Variants in IQSEC1 observed in about 807,000 individuals in gnomAD.
IQSEC1 encodes the protein IQ motif and Sec7 domain ArfGEF 1.
Under a neutral mutation model 91.0 loss-of-function variants are expected in IQSEC1, and 31 were observed. The ratio of observed to expected loss-of-function variants is 0.34; its 90% CI spans 0.26 to 0.46. The LOEUF is 0.46. Ranked by LOEUF, IQSEC1 falls within the 20% of genes least tolerant of loss-of-function variation. The pLI is 1.00. For missense variants in IQSEC1, 1,388 were observed against 1,575.6 expected, an observed-to-expected ratio of 0.88 and a Z score of 2.02; for synonymous variants, 699 against 662.6, an observed-to-expected ratio of 1.05 and a Z score of -0.84.
chr3:13,170,764 C>T (rs942868409), intron 1 of IQSEC1, among the ~76,000 whole-genome samples: 1 of 152,166 alleles, frequency 6.6e-6, no homozygotes, highest in Non-Finnish European at 1.5e-5. Context: ...GTGCCAGAGT[C>T]AAACAGTATT....
intron 1 of IQSEC1, among the ~76,000 whole-genome samples, chr3:13,055,972 C>G (rs748682586): frequency 6.6e-6 from 1 of 152,152 alleles, no homozygotes; most frequent in Non-Finnish European, 1.5e-5. Context: ...GATGTCCCCC[C>G]CACCACCATT....
At chr3:13,190,571 A>G (rs1234368656) in intron 1 of IQSEC1, among the ~76,000 whole-genome samples, 5 of 151,656 alleles carry the variant, frequency 3.3e-5, no homozygotes, top group Non-Finnish European at 7.4e-5. Flanking sequence ...AAAAAAACAG[A>G]TAAAGTGTGG....
At chr3:13,063,490 G>A (rs571837855) in intron 1 of IQSEC1, among the ~76,000 whole-genome samples, 5 of 152,248 alleles carry the variant, frequency 3.3e-5, no homozygotes, top group Non-Finnish European at 5.9e-5. Context: ...GCACAGGGCA[G>A]AGGAGGGCAG....
At chr3:13,120,557 C>G (rs73147121) in intron 2 of IQSEC1, among the ~76,000 whole-genome samples, 4 of 152,238 alleles carry the variant, frequency 2.6e-5, no homozygotes, top group Admixed American at 2.0e-4. Context: ...TCCTCTTCCC[C>G]GAGGAGGAGC....
At chr3:13,250,371 G>T (rs12495529) in intron 1 of IQSEC1, among the ~76,000 whole-genome samples, 5,192 of 151,952 alleles carry the variant, frequency 0.034, 121 homozygotes, top group South Asian at 0.092. Flanking sequence ...GCAGTGCCAC[G>T]GTGATGTCTA....
chr3:13,111,690 T>A (rs1362484135), intron 2 of IQSEC1, among the ~76,000 whole-genome samples: 2 of 152,050 alleles, frequency 1.3e-5, no homozygotes, highest in African/African-American at 4.8e-5. Context: ...GTCCCCATGA[T>A]GATATCAGTG....
Position 12,936,210 on chromosome 3 carries a change from G to A in IQSEC1, c.806C>T (p.Thr269Ile), listed in dbSNP as rs143647610. 1,943 of 1,613,076 alleles carry A rather than the reference G, an allele frequency of 1.2e-3. 22 individuals carry two copies. In the African/African-American group the frequency reaches 0.024, roughly 20 times the overall value. The change falls in exon 3 of 14, where the codon ACA becomes ATA. Residue 269 changes from threonine (T) to isoleucine (I), a missense_variant. Transcript: ENST00000613206. Reference protein sequence around the residue: ...AARARDTEPQTALHGMDHRKL... With the variant: ...AARARDTEPQIALHGMDHRKL... ...GCGGTGGTCCATGCCGTGCAGGGCT[G>A]TCTGGGGTTCGGTGTCCCGGGCCCG... is the stretch of plus-strand genomic sequence containing the variant.
intron 1 of IQSEC1, among the ~76,000 whole-genome samples, chr3:13,246,431 G>A (rs1298428933): frequency 1.3e-5 from 2 of 152,240 alleles, no homozygotes. Flanking sequence ...GAGATGGACG[G>A]TGGGGACGGT....
chr3:12,952,680 C>T (rs1188733276), intron 1 of IQSEC1, among the ~76,000 whole-genome samples: 1 of 152,232 alleles, frequency 6.6e-6, no homozygotes, highest in Non-Finnish European at 1.5e-5. Context: ...GCCCCCTGGC[C>T]TCCTGGCTGT....
intron 6 of IQSEC1, among the ~76,000 whole-genome samples, chr3:12,916,926 A>G (rs56350520): frequency 1.6e-4 from 24 of 152,338 alleles, no homozygotes; most frequent in African/African-American, 5.1e-4. Context: ...CCATTCCTGC[A>G]TATGTGCACT....
chr3:13,123,826 G>A (rs1228878273), intron 2 of IQSEC1, among the ~76,000 whole-genome samples: 2 of 152,230 alleles, frequency 1.3e-5, no homozygotes, highest in African/African-American at 4.8e-5. Context: ...GCTCAGCTGA[G>A]CCTGGCGAGA....
At chr3:13,012,129 C>T (rs1207971421) in intron 1 of IQSEC1, among the ~76,000 whole-genome samples, 1 of 152,190 alleles carries the variant, frequency 6.6e-6, no homozygotes, top group Non-Finnish European at 1.5e-5. Flanking sequence ...TACAGCCTTG[C>T]TGCTGGGGCT....
At chr3:13,167,269 T>C (rs1233965199) in intron 1 of IQSEC1, among the ~76,000 whole-genome samples, 1 of 152,044 alleles carries the variant, frequency 6.6e-6, no homozygotes, top group African/African-American at 2.4e-5. Flanking sequence ...GCTAGGAGTT[T>C]ATTTGGGAAG....
intron 2 of IQSEC1, among the ~76,000 whole-genome samples, chr3:13,088,637 G>A (rs946730508): frequency 4.6e-5 from 7 of 151,992 alleles, no homozygotes; most frequent in East Asian, 1.9e-4. Context: ...GTACCCTCCC[G>A]GGGACCCCAC....
At chr3:13,256,874 C>T (rs775089985) in intron 1 of IQSEC1, among the ~76,000 whole-genome samples, 1 of 88,728 alleles carries the variant, frequency 1.1e-5, no homozygotes, top group Non-Finnish European at 2.1e-5. Flanking sequence ...GGGTGCAGCA[C>T]CAGCAGCGGG....
chr3:12,972,042 CAAAA>C (rs1263135555), intron 1 of IQSEC1, among the ~76,000 whole-genome samples: 2 of 147,760 alleles, frequency 1.4e-5, no homozygotes, highest in Admixed American at 6.8e-5. Flanking sequence ...AACAAACAAA[CAAAA>C]ACAAAAGGCC....
intron 1 of IQSEC1, among the ~76,000 whole-genome samples, chr3:13,255,935 T>C (rs1230484138): frequency 1.3e-5 from 2 of 152,194 alleles, no homozygotes; most frequent in Non-Finnish European, 2.9e-5. Flanking sequence ...ATATTTTTGT[T>C]GTCACAACTG....
chr3:12,973,652 C>T (rs1276088022), intron 1 of IQSEC1, among the ~76,000 whole-genome samples: 1 of 152,206 alleles, frequency 6.6e-6, no homozygotes, highest in Non-Finnish European at 1.5e-5. Context: ...CCCATTTACC[C>T]TGATGTGATT....
intron 1 of IQSEC1, among the ~76,000 whole-genome samples, chr3:13,225,927 T>C (rs756900737): frequency 3.9e-4 from 60 of 152,162 alleles, no homozygotes; most frequent in Admixed American, 1.6e-3. Flanking sequence ...TCTCCCAGGC[T>C]GGAGTGCAAT....
Sources: gnomAD v4.1 joint callset for allele counts (sites outside exome capture counted in the v4.1 genomes callset) on GRCh38, gnomAD v4.1.1 for gene constraint, MANE v1.5 for transcripts, NCBI Gene and HGNC (gene_info 2026-07-23, HGNC 2026-07-21) for gene names.